WNK2: variants seen among roughly 807,000 people sequenced by gnomAD.
The protein encoded by WNK2 is WNK lysine deficient protein kinase 2, also known as serine/threonine-protein kinase WNK2.
WNK2 carries 67 observed loss-of-function variants against 192.1 expected under a neutral mutation model. The ratio of observed to expected loss-of-function variants is 0.35; its 90% CI spans 0.29 to 0.43. The LOEUF is 0.43. Ranked by LOEUF, WNK2 falls within the 20% of genes least tolerant of loss-of-function variation. The pLI, the probability that WNK2 is intolerant of heterozygous loss-of-function variation, is 1.00. For synonymous variants in WNK2, 1,439 were observed against 1,393.9 expected (o/e 1.03, Z -0.72); for missense variants, 2,698 against 3,089.7 (o/e 0.87, Z 3.01).
chr9:93,319,630 C>G (rs1204161177), intron 29 of WNK2, among the ~76,000 whole-genome samples: 1 of 152,234 alleles, frequency 6.6e-6, no homozygotes, highest in Non-Finnish European at 1.5e-5. Flanking sequence ...TGCTGCAGCC[C>G]CTGGGGCCAC....
intron 9 of WNK2, among the ~76,000 whole-genome samples, chr9:93,255,483 C>T (rs866378712): frequency 6.6e-5 from 10 of 152,242 alleles, no homozygotes; most frequent in African/African-American, 2.2e-4. Flanking sequence ...CCCAGATACA[C>T]TTGCTCCAAC....
Position 93,270,147 on chromosome 9 carries a change from C to T in WNK2, c.4033+1401C>T, listed in dbSNP as rs2298245. On this transcript the variant is annotated intron_variant, in intron 19 of 29. Coordinates refer to ENST00000427277, the MANE Select transcript of WNK2 (RefSeq NM_006648.4). The stretch of plus-strand genomic sequence containing the variant: ...GGCCCTGAGGGTGGTCCTGCTGAAG[C>T]GCTGTACTGGAGAAGGAAGGACTAG... 1.0e-2 allele frequency among the ~76,000 whole-genome samples: 1,518 copies of T among 152,218 alleles called. 29 individuals are homozygous for T. Among genetic ancestry groups the T allele is most frequent in the East Asian group, 0.049 (254 of 5,178 alleles).
intron 7 of WNK2, among the ~76,000 whole-genome samples, chr9:93,245,131 T>G (rs1588146465): frequency 6.6e-6 from 1 of 152,208 alleles, no homozygotes; most frequent in East Asian, 1.9e-4. Flanking sequence ...ACAAAGACTT[T>G]TGAATAATCA....
chr9:93,222,788 T>A (rs1316707641), intron 2 of WNK2, among the ~76,000 whole-genome samples: 1 of 152,134 alleles, frequency 6.6e-6, no homozygotes, highest in Non-Finnish European at 1.5e-5. Flanking sequence ...GTTCAAGCGA[T>A]TCTCCTGCCT....
intron 29 of WNK2, chr9:93,317,908 T>G (rs1855020274): frequency 6.3e-7 from 1 of 1,593,262 alleles, no homozygotes; most frequent in East Asian, 2.2e-5. Flanking sequence ...AAACCAGGTG[T>G]GGTTTGGCCT....
At chr9:93,252,133 T>C (rs550772139) in intron 8 of WNK2, among the ~76,000 whole-genome samples, 4 of 152,340 alleles carry the variant, frequency 2.6e-5, no homozygotes, top group Admixed American at 6.5e-5. Flanking sequence ...GGTTTTCGTT[T>C]TCCCCTCTGC....
At chr9:93,236,718 C>G (rs1018019413) in intron 5 of WNK2, among the ~76,000 whole-genome samples, 3 of 152,242 alleles carry the variant, frequency 2.0e-5, no homozygotes, top group Non-Finnish European at 4.4e-5. Flanking sequence ...CGCACCCCCC[C>G]GCAACAAAGC....
chr9:93,193,444 G>C (rs79844646), intron 2 of WNK2, among the ~76,000 whole-genome samples: 2,213 of 152,340 alleles, frequency 0.015, 61 homozygotes, highest in African/African-American at 0.051. Flanking sequence ...GTCTCCAGTA[G>C]AGATGTGGAG....
Position 93,251,782 on chromosome 9 carries a change from T to A in WNK2, c.1835-1101T>A, listed in dbSNP as rs1012903706. ...TTGAAACTTGTCAGGTCTATACACG[T>A]TCTCCCCTTCCTCCCCATCCTCCTC... On this transcript the variant is annotated intron_variant, in intron 8 of 29. Transcript: ENST00000427277. 3.9e-5 allele frequency among the ~76,000 whole-genome samples: 6 copies of A among 152,288 alleles called. No individual in the cohort carries two copies. In the South Asian group the frequency reaches 1.2e-3, roughly 32 times the overall value.
chr9:93,230,006 T>A, intron 3 of WNK2, 138 bp downstream of exon 3: 1 of 1,080,658 alleles, frequency 9.3e-7, no homozygotes, highest in Non-Finnish European at 1.3e-6. Flanking sequence ...CTCTCCTGCA[T>A]GGGATGCCAG....
intron 11 of WNK2, 98 bp from the exon 12 acceptor site, chr9:93,258,833 C>T: frequency 1.9e-6 from 2 of 1,073,696 alleles, no homozygotes; most frequent in Non-Finnish European, 2.8e-6. Flanking sequence ...ATCCCGTGTC[C>T]CCTCGTCCCC....
intron 2 of WNK2, among the ~76,000 whole-genome samples, chr9:93,191,795 C>T (rs1395094018): frequency 2.6e-5 from 4 of 151,820 alleles, no homozygotes; most frequent in Non-Finnish European, 4.4e-5. Context: ...TAGGTTGAGA[C>T]GGGTGGATCA....
chr9:93,294,038 TG>T (rs1849827940), intron 23 of WNK2, among the ~76,000 whole-genome samples: 1 of 152,268 alleles, frequency 6.6e-6, no homozygotes. Context: ...CTGCTGCGGC[TG>T]GGGGGTTACT....
In WNK2 at chr9:93,247,859, C is replaced by T; in HGVS notation, c.1834+25C>T. ...TGTGAGTGCTCAGGGGTGGGATGGC[C>T]ATGGGCACCCCTCCCACCTACCCTG... On this transcript the variant is annotated intron_variant, in intron 8 of 29. Transcript: ENST00000427277. The surrounding 1 kb of genome is among the most constrained non-coding windows in gnomAD (Gnocchi z 5.2). 1.3e-6 allele frequency: 2 copies of T among 1,530,864 alleles called. No individual in the cohort carries two copies. The highest frequency in any genetic ancestry group is 1.7e-6 in the Non-Finnish European group (2 of 1,144,716). The allele number at this position is 1,530,864 out of a possible 1,614,324, so 94.8% of individuals were successfully genotyped here.
At chr9:93,241,613 G>T (rs1185949462) in intron 7 of WNK2, among the ~76,000 whole-genome samples, 1 of 152,048 alleles carries the variant, frequency 6.6e-6, no homozygotes, top group Non-Finnish European at 1.5e-5. Context: ...GCTCTGGAAG[G>T]TTCCTGCGGA....
chr9:93,273,567 A>G (rs1378514911), intron 19 of WNK2, among the ~76,000 whole-genome samples: 2 of 152,358 alleles, frequency 1.3e-5, no homozygotes, highest in East Asian at 3.9e-4. Flanking sequence ...AAATAGACAA[A>G]TCCACAACTG....
rs983030950 is a variant in WNK2 at position 93,247,496 on chromosome 9, G to T, written c.1543-47G>T. On this transcript the variant is annotated intron_variant, in intron 7 of 29. Coordinates refer to ENST00000427277, the MANE Select transcript of WNK2 (RefSeq NM_006648.4). The surrounding 1 kb of genome is among the most constrained non-coding windows in gnomAD (Gnocchi z 5.2). Reference sequence around the variant, plus strand: ...CACTTTAGGTAAGGGGTGTGGGCCGGTGAGGGCTGATCCCCAGCGATGCTG... The same window carrying T: ...CACTTTAGGTAAGGGGTGTGGGCCGTTGAGGGCTGATCCCCAGCGATGCTG... The T allele has an allele frequency of 1.3e-5, 20 of 1,582,154 alleles. No individual in the cohort carries two copies. Among genetic ancestry groups the T allele is most frequent in the Non-Finnish European group, 1.6e-5 (19 of 1,162,912 alleles).
chr9:93,271,888 T>C (rs913311621), intron 19 of WNK2, among the ~76,000 whole-genome samples: 1 of 152,256 alleles, frequency 6.6e-6, no homozygotes, highest in African/African-American at 2.4e-5. Context: ...ACAAAAATTA[T>C]GCATTACCTA....
At chr9:93,235,476 C>T (rs1448271871) in intron 5 of WNK2, among the ~76,000 whole-genome samples, 2 of 152,270 alleles carry the variant, frequency 1.3e-5, no homozygotes, top group East Asian at 1.9e-4. Context: ...CAGCTGGGAA[C>T]GTTAATCCCT....
Sources: gnomAD v4.1 joint callset for allele counts (sites outside exome capture counted in the v4.1 genomes callset) on GRCh38, gnomAD v4.1.1 for gene constraint, Gnocchi (gnomAD v3.1) non-coding constraint, MANE v1.5 for transcripts, NCBI Gene and HGNC (gene_info 2026-07-23, HGNC 2026-07-21) for gene names.